SMC1B: variants seen among roughly 807,000 people sequenced by gnomAD.
SMC1B encodes structural maintenance of chromosomes protein 1B.
A neutral mutation model predicts 157.9 loss-of-function variants in SMC1B; 60 were observed. That is an observed-to-expected ratio of 0.38 (90% CI 0.31 to 0.47). The LOEUF (loss-of-function observed/expected upper bound fraction) is 0.47. Among genes scored for constraint, SMC1B ranks in the 20% least tolerant of loss-of-function variants. The probability of loss-of-function intolerance (pLI) is 0.99; values close to 1 mark genes in which losing one functional copy is unlikely to be tolerated. For missense variants in SMC1B, 1,165 were observed against 1,426.2 expected (o/e 0.82, Z 2.95); for synonymous variants, 445 against 483.0 (o/e 0.92, Z 1.03).
At chr22:45,404,419 T>C (rs1394052477) in intron 4 of SMC1B, among the ~76,000 whole-genome samples, 1 of 152,246 alleles carries the variant, frequency 6.6e-6, no homozygotes, top group Non-Finnish European at 1.5e-5. Context: ...CTACATTCTG[T>C]AGAGAATCCC....
Position 45,406,778 on chromosome 22 carries a change from T to C in SMC1B, c.386A>G (p.Lys129Arg), listed in dbSNP as rs1403041227. ...CTGAAAAACCAAACAATTTTGTGCT[T>C]TGACTATTATGCCTATCTTTTCCAA... ...AELEKIGIIV[K>R]AQNCLVFQGT... The change falls in exon 3 of 25, where the codon AAA becomes AGA. Residue 129 changes from lysine (K) to arginine (R), a missense_variant. By Grantham distance (26) the Lys-to-Arg change is conservative. Coordinates refer to ENST00000357450, the MANE Select transcript of SMC1B (RefSeq NM_148674.5). 1 of 1,594,480 alleles carries C rather than the reference T, an allele frequency of 6.3e-7. No homozygotes were observed. The highest frequency in any genetic ancestry group is 1.9e-5 in the Admixed American group (1 of 53,582).
At chr22:45,397,544 G>C (rs539648031) in intron 6 of SMC1B, among the ~76,000 whole-genome samples, 19 of 152,282 alleles carry the variant, frequency 1.2e-4, no homozygotes, top group South Asian at 2.1e-4. Context: ...CTAGCTACAA[G>C]TGCTGGGTAA....
At chr22:45,371,930 C>A (rs1340474099) in intron 13 of SMC1B, among the ~76,000 whole-genome samples, 1 of 152,002 alleles carries the variant, frequency 6.6e-6, no homozygotes, top group African/African-American at 2.4e-5. Context: ...GTAATCCCAG[C>A]TACTCGGGAG....
At chr22:45,390,785 T>C (rs188661708) in intron 9 of SMC1B, among the ~76,000 whole-genome samples, 1 of 152,096 alleles carries the variant, frequency 6.6e-6, no homozygotes, top group Non-Finnish European at 1.5e-5. Flanking sequence ...AAGAATTAAT[T>C]AGACTGAAGT....
chr22:45,391,311 T>C (rs1162831765), intron 9 of SMC1B, among the ~76,000 whole-genome samples: 1 of 152,210 alleles, frequency 6.6e-6, no homozygotes, highest in Non-Finnish European at 1.5e-5. Flanking sequence ...TTGATTTGTT[T>C]TCACAGCTTA....
intron 15 of SMC1B, among the ~76,000 whole-genome samples, chr22:45,369,460 A>G (rs546690811): frequency 6.6e-6 from 1 of 150,734 alleles, no homozygotes; most frequent in East Asian, 2.0e-4. Context: ...TATTTTGTGT[A>G]TTTATGCTTT....
chr22:45,389,562 T>C (rs1049116472), intron 10 of SMC1B, 150 bp downstream of exon 10: 4 of 625,712 alleles, frequency 6.4e-6, no homozygotes, highest in African/African-American at 3.7e-5. Flanking sequence ...TGCTTGCCAA[T>C]ATATTTAACA....
intron 15 of SMC1B, among the ~76,000 whole-genome samples, chr22:45,363,855 T>C (rs764634571): frequency 6.9e-6 from 1 of 145,892 alleles, no homozygotes; most frequent in Non-Finnish European, 1.5e-5. Flanking sequence ...CAAATAACTA[T>C]TTTTTTTTTT....
At chr22:45,357,013 G>C (rs922149823) in intron 19 of SMC1B, among the ~76,000 whole-genome samples, 1 of 152,084 alleles carries the variant, frequency 6.6e-6, no homozygotes, top group South Asian at 2.1e-4. Flanking sequence ...GATTACAGGC[G>C]TGAGCCACCA....
intron 7 of SMC1B, among the ~76,000 whole-genome samples, chr22:45,395,214 A>G (rs2087109378): frequency 6.6e-6 from 1 of 152,222 alleles, no homozygotes; most frequent in Non-Finnish European, 1.5e-5. Flanking sequence ...AGATAATTAA[A>G]TAAGTAATTA....
chr22:45,372,292 C>T lies in SMC1B; in HGVS notation c.2059G>A (p.Gly687Ser), dbSNP rs1267856062. The T allele has an allele frequency of 1.4e-5, 22 of 1,571,334 alleles. No individual in the cohort carries two copies. The highest frequency in any genetic ancestry group is 3.6e-5 in the South Asian group (3 of 83,826). The change falls in exon 13 of 25, where the codon GGT (glycine) becomes AGT (serine). Residue 687 changes from glycine (G) to serine (S), a missense_variant and splice_region_variant. Transcript: ENST00000357450. ...TCTTTGCGGAGTGTCTTCATTAAAC[C>T]CTAAAAGGAAAGAAAAACATGAGAA... is the stretch of plus-strand genomic sequence containing the variant. The part of the protein sequence containing the change: ...RRSQKIQELK[G>S]LMKTLRKETD...
At chr22:45,375,842 G>T (rs1376711323) in intron 12 of SMC1B, among the ~76,000 whole-genome samples, 1 of 151,846 alleles carries the variant, frequency 6.6e-6, no homozygotes, top group African/African-American at 2.4e-5. Context: ...CTGACATTTA[G>T]ATATTATATA....
At chr22:45,362,792 A>G (rs2086734438) in intron 16 of SMC1B, 93 bp downstream of exon 16, 3 of 1,032,196 alleles carry the variant, frequency 2.9e-6, no homozygotes, top group Non-Finnish European at 4.3e-6. Context: ...CCCCTTCACT[A>G]ACAGGACCCT....
At chr22:45,405,045 A>T (rs5765327) in intron 4 of SMC1B, among the ~76,000 whole-genome samples, 20,213 of 152,254 alleles carry the variant, frequency 0.13, 1,383 homozygotes, top group South Asian at 0.2. Flanking sequence ...TGAACAGTAA[A>T]TGCCTACCTG....
chr22:45,349,642 G>T, intron 23 of SMC1B, 86 bp downstream of exon 23: 3 of 1,286,370 alleles, frequency 2.3e-6, no homozygotes, highest in South Asian at 2.5e-5. Context: ...ACCAAGGACT[G>T]ATTTTTAATG....
intron 23 of SMC1B, among the ~76,000 whole-genome samples, chr22:45,346,720 C>G (rs2086555489): frequency 6.6e-6 from 1 of 151,996 alleles, no homozygotes; most frequent in Non-Finnish European, 1.5e-5. Context: ...GGTCTTGGGC[C>G]CATAATAGGA....
Position 45,386,891 on chromosome 22 carries a change from T to G in SMC1B, c.1887A>C (p.Ala629=), listed in dbSNP as rs1309504044. Residue 629 remains alanine, a synonymous_variant, in exon 11 of 25, where the codon GCA becomes GCC. Transcript: ENST00000357450. ...CETMEEARHI[A]LSGPERQKTV... ...CTTTCTGTCTTTCAGGTCCACTGAG[T>G]GCAATATGCCTTGCTTCTTCCATAG... 4 of 1,613,982 alleles carry G rather than the reference T, an allele frequency of 2.5e-6. No individual in the cohort carries two copies. In the Admixed American group the frequency reaches 5.0e-5, roughly 20 times the overall value.
intron 16 of SMC1B, 141 bp downstream of exon 16, chr22:45,362,744 C>T: frequency 1.5e-6 from 1 of 674,570 alleles, no homozygotes; most frequent in Non-Finnish European, 2.5e-6. Context: ...TAAAGCTCTG[C>T]TGATTTTACT....
intron 12 of SMC1B, among the ~76,000 whole-genome samples, chr22:45,375,135 C>T (rs1442742224): frequency 6.6e-6 from 1 of 152,186 alleles, no homozygotes; most frequent in Non-Finnish European, 1.5e-5. Context: ...ACTCTGTTCA[C>T]CAAGATAAAT....
Sources: gnomAD v4.1 joint callset for allele counts (sites outside exome capture counted in the v4.1 genomes callset) on GRCh38, gnomAD v4.1.1 for gene constraint, MANE v1.5 for transcripts, NCBI Gene and HGNC (gene_info 2026-07-23, HGNC 2026-07-21) for gene names.